KCNIP4: variants seen among roughly 807,000 people sequenced by gnomAD.
The protein encoded by KCNIP4 is potassium voltage-gated channel interacting protein 4, also known as Kv channel-interacting protein 4.
KCNIP4 carries 12 observed loss-of-function variants against 34.0 expected under a neutral mutation model. The observed-to-expected ratio is 0.35, with a 90% confidence interval of 0.23 to 0.57. KCNIP4 has a LOEUF of 0.57. KCNIP4 is among the 20% of genes least tolerant of loss of function. KCNIP4 has a pLI of 0.83. For missense variants in KCNIP4, 238 were observed against 311.7 expected (o/e 0.76, Z 1.78); for synonymous variants, 124 against 102.2 (o/e 1.21, Z -1.29).
At chr4:21,023,355 A>C (rs2149751642) in intron 1 of KCNIP4, among the ~76,000 whole-genome samples, 1 of 152,316 alleles carries the variant, frequency 6.6e-6, no homozygotes, top group East Asian at 1.9e-4. Context: ...TAACCAAAAT[A>C]AAAAATTCAC....
intron 1 of KCNIP4, among the ~76,000 whole-genome samples, chr4:21,372,611 C>T (rs192326690): frequency 2.7e-5 from 4 of 146,894 alleles, no homozygotes; most frequent in East Asian, 4.0e-4. Flanking sequence ...CTAAGGTGAA[C>T]GTGAGAAAAA....
intron 3 of KCNIP4, among the ~76,000 whole-genome samples, chr4:20,783,700 A>G (rs1214016523): frequency 6.6e-6 from 1 of 152,212 alleles, no homozygotes; most frequent in Non-Finnish European, 1.5e-5. Flanking sequence ...TCAGTTGGTA[A>G]CACACTGAAC....
intron 1 of KCNIP4, among the ~76,000 whole-genome samples, chr4:20,953,950 G>A (rs1428753656): frequency 2.0e-5 from 3 of 152,114 alleles, no homozygotes; most frequent in African/African-American, 7.2e-5. Flanking sequence ...AGAGTCACGG[G>A]AAACACTTCC....
At chr4:21,484,531 T>C (rs527903758) in intron 1 of KCNIP4, among the ~76,000 whole-genome samples, 26 of 152,334 alleles carry the variant, frequency 1.7e-4, no homozygotes, top group Admixed American at 3.9e-4. Flanking sequence ...AGAAGTGTCA[T>C]ATAATGTTGT....
intron 1 of KCNIP4, among the ~76,000 whole-genome samples, chr4:21,489,269 G>T (rs1372139646): frequency 9.1e-6 from 1 of 109,422 alleles, no homozygotes; most frequent in African/African-American, 3.5e-5. Flanking sequence ...AAGAAAGAAA[G>T]AAAAAGAGAG....
At chr4:21,550,758 T>C (rs1738514093) in intron 1 of KCNIP4, among the ~76,000 whole-genome samples, 1 of 152,150 alleles carries the variant, frequency 6.6e-6, no homozygotes, top group African/African-American at 2.4e-5. Context: ...CCTGTGTTTA[T>C]TGATTATGAA....
intron 1 of KCNIP4, among the ~76,000 whole-genome samples, chr4:21,943,956 CTTT>C (rs60916117): frequency 2.1e-5 from 3 of 144,680 alleles, no homozygotes; most frequent in African/African-American, 5.1e-5. Flanking sequence ...GAGACTCTTG[CTTT>C]TTTTTTTTTT....
intron 5 of KCNIP4, among the ~76,000 whole-genome samples, chr4:20,739,039 G>A (rs564123061): frequency 9.2e-5 from 14 of 152,304 alleles, no homozygotes; most frequent in Non-Finnish European, 1.9e-4. Context: ...GAGGCTGAGG[G>A]AGGGGCGTCC....
intron 1 of KCNIP4, among the ~76,000 whole-genome samples, chr4:21,716,823 C>G (rs1257564379): frequency 6.6e-6 from 1 of 152,148 alleles, no homozygotes; most frequent in East Asian, 1.9e-4. Context: ...TCACTTTGTT[C>G]CTATAGCCAT....
intron 1 of KCNIP4, among the ~76,000 whole-genome samples, chr4:21,142,359 G>A (rs1752033887): frequency 6.6e-6 from 1 of 152,048 alleles, no homozygotes; most frequent in Non-Finnish European, 1.5e-5. Flanking sequence ...GAATTGGCTA[G>A]CTTTGGGAAT....
intron 1 of KCNIP4, among the ~76,000 whole-genome samples, chr4:21,391,132 A>C (rs1280324890): frequency 6.6e-6 from 1 of 152,118 alleles, no homozygotes; most frequent in Non-Finnish European, 1.5e-5. Flanking sequence ...CCTCTATTGA[A>C]ATCCTTTGCC....
At chr4:21,722,784 C>T (rs1340763887) in intron 1 of KCNIP4, among the ~76,000 whole-genome samples, 1 of 152,084 alleles carries the variant, frequency 6.6e-6, no homozygotes, top group African/African-American at 2.4e-5. Context: ...TGCCATTTTA[C>T]TGTGCATATT....
intron 1 of KCNIP4, among the ~76,000 whole-genome samples, chr4:21,794,650 G>A (rs1243793847): frequency 6.6e-6 from 1 of 152,112 alleles, no homozygotes; most frequent in Non-Finnish European, 1.5e-5. Context: ...AGCACTTTGG[G>A]AGGCCGAGGC....
intron 1 of KCNIP4, among the ~76,000 whole-genome samples, chr4:21,048,668 C>T (rs1301943277): frequency 1.3e-5 from 2 of 152,086 alleles, no homozygotes; most frequent in East Asian, 3.9e-4. Context: ...TGAAAGAATA[C>T]TTGTAAGTGA....
At chr4:21,297,654 T>C (rs1297866088) in intron 1 of KCNIP4, among the ~76,000 whole-genome samples, 3 of 152,176 alleles carry the variant, frequency 2.0e-5, no homozygotes, top group Middle Eastern at 3.2e-3. Flanking sequence ...AAACTGGCAG[T>C]TTCTGCAGGA....
At chr4:20,841,372 G>A (rs1485694274) in intron 3 of KCNIP4, among the ~76,000 whole-genome samples, 1 of 152,216 alleles carries the variant, frequency 6.6e-6, no homozygotes, top group East Asian at 1.9e-4. Flanking sequence ...AATAGGGGAG[G>A]AGTCCACAAG....
chr4:20,775,165 C>T (rs1202889062), intron 3 of KCNIP4, among the ~76,000 whole-genome samples: 2 of 152,170 alleles, frequency 1.3e-5, no homozygotes, highest in Admixed American at 1.3e-4. Flanking sequence ...AATCTCTCCA[C>T]TGATGAGCTA....
chr4:21,109,726 TC>T (rs1356077503), intron 1 of KCNIP4, among the ~76,000 whole-genome samples: 2 of 152,324 alleles, frequency 1.3e-5, no homozygotes, highest in Admixed American at 1.3e-4. Flanking sequence ...CCGGAGCTGT[TC>T]CTATTTGGCC....
chr4:21,445,513 A>G (rs1727903028), intron 1 of KCNIP4, among the ~76,000 whole-genome samples: 1 of 152,210 alleles, frequency 6.6e-6, no homozygotes, highest in African/African-American at 2.4e-5. Context: ...GACAAAAACA[A>G]GCAATGGGGA....
Sources: gnomAD v4.1 joint callset for allele counts (sites outside exome capture counted in the v4.1 genomes callset) on GRCh38, gnomAD v4.1.1 for gene constraint, MANE v1.5 for transcripts, NCBI Gene and HGNC (gene_info 2026-07-23, HGNC 2026-07-21) for gene names.